The following RSU1 variants were observed in gnomAD, a reference collection of about 807,000 sequenced individuals.
RSU1 encodes the protein Ras suppressor protein 1.
Under a neutral mutation model 31.1 loss-of-function variants are expected in RSU1, and 26 were observed. The ratio of observed to expected loss-of-function variants is 0.84; its 90% CI spans 0.61 to 1.16. The LOEUF (loss-of-function observed/expected upper bound fraction) is 1.16. Ranked by LOEUF, RSU1 falls within the 50% of genes most tolerant of loss-of-function variation. RSU1 has a pLI of 0.00. For synonymous variants in RSU1, 164 were observed against 136.3 expected (o/e 1.20, Z -1.41); for missense variants, 320 against 339.1 (o/e 0.94, Z 0.44).
At chr10:16,765,497 G>A (rs894259309) in intron 3 of RSU1, among the ~76,000 whole-genome samples, 9 of 152,142 alleles carry the variant, frequency 5.9e-5, no homozygotes, top group African/African-American at 2.2e-4. Flanking sequence ...GGACCTGAAA[G>A]GTTCCTCCTT....
intron 8 of RSU1, among the ~76,000 whole-genome samples, chr10:16,628,630 GAC>G (rs1335647543): frequency 6.6e-6 from 1 of 152,152 alleles, no homozygotes; most frequent in Non-Finnish European, 1.5e-5. Flanking sequence ...CTCAACAAGA[GAC>G]ACAAATAATT....
chr10:16,648,115 AT>A (rs143408705), intron 8 of RSU1, among the ~76,000 whole-genome samples: 2,816 of 141,884 alleles, frequency 0.02, 101 homozygotes, highest in African/African-American at 0.066. Context: ...TGCCTGGCTA[AT>A]TTAAAAAAAA....
intron 2 of RSU1, among the ~76,000 whole-genome samples, chr10:16,785,704 G>C (rs1173703503): frequency 1.5e-5 from 2 of 130,162 alleles, no homozygotes; most frequent in African/African-American, 6.3e-5. Context: ...CAGCATCTTT[G>C]GCAGGGATAT....
intron 3 of RSU1, among the ~76,000 whole-genome samples, chr10:16,770,289 G>C (rs371731049): frequency 6.6e-6 from 1 of 152,110 alleles, no homozygotes; most frequent in Non-Finnish European, 1.5e-5. Flanking sequence ...TGCAGCCCAC[G>C]GGAGGGTCAG....
chr10:16,806,654 T>A (rs1414058172), intron 2 of RSU1, among the ~76,000 whole-genome samples: 2 of 152,144 alleles, frequency 1.3e-5, no homozygotes, highest in Non-Finnish European at 2.9e-5. Flanking sequence ...ATTATTTTCA[T>A]CCTCCTAACA....
chr10:16,619,181 C>T (rs969027622), intron 8 of RSU1, among the ~76,000 whole-genome samples: 1 of 152,176 alleles, frequency 6.6e-6, no homozygotes, highest in Non-Finnish European at 1.5e-5. Context: ...CAGATGGAAG[C>T]CTGCTTCAGA....
intron 8 of RSU1, among the ~76,000 whole-genome samples, chr10:16,612,004 G>A (rs1833897864): frequency 6.6e-6 from 1 of 152,134 alleles, no homozygotes; most frequent in South Asian, 2.1e-4. Context: ...CATAAAACAG[G>A]ACTGATAATA....
intron 3 of RSU1, among the ~76,000 whole-genome samples, chr10:16,766,795 C>T (rs1837323513): frequency 6.6e-6 from 1 of 151,342 alleles, no homozygotes; most frequent in African/African-American, 2.4e-5. Flanking sequence ...AGGTGAATCA[C>T]CTGAGGTCAG....
rs1263145041 is a variant in RSU1 at position 16,752,597 on chromosome 10, G to A, written c.540C>T (p.Thr180=). The A allele has an allele frequency of 2.5e-6, 4 of 1,614,094 alleles. No individual in the cohort carries two copies. The Admixed American group carries it at 6.7e-5, about 27-fold the overall frequency. The stretch of plus-strand genomic sequence containing the variant: ...CCTGAATGTGGAGCTCTTTAAGCTG[G>A]GTAAGCTCCCCGATTTCCTTAGGCA... ...ISLPKEIGEL[T]QLKELHIQGN... The change falls in exon 7 of 9, where the codon ACC becomes ACT. Residue 180 remains threonine (T), a synonymous_variant. Coordinates refer to ENST00000345264, the MANE Select transcript of RSU1 (RefSeq NM_012425.4).
intron 4 of RSU1, among the ~76,000 whole-genome samples, chr10:16,758,974 T>A (rs1227840400): frequency 6.6e-6 from 1 of 152,226 alleles, no homozygotes; most frequent in Non-Finnish European, 1.5e-5. Context: ...GGCAAATGCC[T>A]GCATATGATG....
intron 8 of RSU1, among the ~76,000 whole-genome samples, chr10:16,666,946 A>G (rs571214284): frequency 1.3e-5 from 2 of 152,158 alleles, no homozygotes; most frequent in East Asian, 1.9e-4. Context: ...CAGTGAGTTG[A>G]GATTACGCTA....
intron 7 of RSU1, chr10:16,723,275 T>C (rs1169229043): frequency 1.3e-5 from 2 of 152,128 alleles, no homozygotes; most frequent in African/African-American, 2.4e-5. Context: ...GATCCAACGT[T>C]TTTTCAACCT....
At chr10:16,595,840 A>T (rs995609573) in intron 8 of RSU1, among the ~76,000 whole-genome samples, 3 of 151,728 alleles carry the variant, frequency 2.0e-5, no homozygotes, top group Non-Finnish European at 4.4e-5. Flanking sequence ...ATAGTGGTGC[A>T]TGCCTGTAGT....
intron 7 of RSU1, among the ~76,000 whole-genome samples, chr10:16,703,387 A>G (rs748018355): frequency 5.3e-5 from 8 of 152,220 alleles, no homozygotes; most frequent in Non-Finnish European, 8.8e-5. Flanking sequence ...GGCGATTTCT[A>G]TTAAGAGTTG....
rs184696940 is a variant in RSU1, at chr10:16,729,007, C to T, written c.598+23532G>A. On this transcript the variant is annotated intron_variant, in intron 7 of 8. Transcript: ENST00000345264. ...AATAAATCGGTGCTGTTTTCAGCCACTGTTTGTGCTCATTGTTTATAGCAG... is the reference window on the plus strand; with the variant it reads ...AATAAATCGGTGCTGTTTTCAGCCATTGTTTGTGCTCATTGTTTATAGCAG... Among the ~76,000 whole-genome samples the T allele has an allele frequency of 2.6e-5, 4 of 152,326 alleles. No homozygotes were observed. In the East Asian group the frequency reaches 7.7e-4, roughly 29 times the overall value.
At chr10:16,739,116 G>A (rs55890093) in intron 7 of RSU1, among the ~76,000 whole-genome samples, 8,072 of 152,072 alleles carry the variant, frequency 0.053, 746 homozygotes, top group African/African-American at 0.18. Flanking sequence ...TATCATTGAT[G>A]GGCATTTGGG....
intron 8 of RSU1, among the ~76,000 whole-genome samples, chr10:16,599,454 C>T (rs1833678984): frequency 1.3e-5 from 2 of 152,154 alleles, no homozygotes; most frequent in South Asian, 4.1e-4. Context: ...CCTACAGGAG[C>T]CCACCACATC....
intron 8 of RSU1, among the ~76,000 whole-genome samples, chr10:16,686,972 T>C (rs1835451691): frequency 6.6e-6 from 1 of 152,218 alleles, no homozygotes; most frequent in Non-Finnish European, 1.5e-5. Flanking sequence ...CATAGGGTTT[T>C]TTCTCACTGG....
chr10:16,817,239 T>G (rs1476404774), intron 1 of RSU1, 76 bp downstream of exon 1: 1 of 607,100 alleles, frequency 1.6e-6, no homozygotes, highest in East Asian at 2.9e-5. Context: ...GGGGAGGGGA[T>G]GGAGTGGGAA....
Sources: gnomAD v4.1 joint callset for allele counts (sites outside exome capture counted in the v4.1 genomes callset) on GRCh38, gnomAD v4.1.1 for gene constraint, MANE v1.5 for transcripts, NCBI Gene and HGNC (gene_info 2026-07-23, HGNC 2026-07-21) for gene names.